Variants in TPRG1 observed in about 807,000 individuals in gnomAD.
The protein encoded by TPRG1 is tumor protein p63 regulated 1, also known as tumor protein p63-regulated gene 1 protein.
In TPRG1, 29 loss-of-function variants were observed where a neutral mutation model predicts 29.3. The observed-to-expected ratio is 0.99, with a 90% CI of 0.74 to 1.35. The LOEUF (loss-of-function observed/expected upper bound fraction) is 1.35. Ranked by LOEUF, TPRG1 falls within the 40% of genes most tolerant of loss-of-function variation. The pLI is 0.00. For synonymous variants in TPRG1, 130 were observed against 116.8 expected (o/e 1.11, Z -0.73); for missense variants, 327 against 335.0 (o/e 0.98, Z 0.19).
At chr3:189,239,661 C>T (rs376744181) in intron 4 of TPRG1, among the ~76,000 whole-genome samples, 150 of 152,232 alleles carry the variant, frequency 9.9e-4, no homozygotes, top group Middle Eastern at 3.4e-3. Context: ...CATTCCAAAG[C>T]GGTAGCTAAA....
chr3:189,179,435 A>G (rs1729924480), intron 1 of TPRG1, among the ~76,000 whole-genome samples: 1 of 152,178 alleles, frequency 6.6e-6, no homozygotes, highest in African/African-American at 2.4e-5. Flanking sequence ...ATTGTACTGA[A>G]TACTTGGTGT....
chr3:189,237,870 G>T (rs1040554087), intron 3 of TPRG1, among the ~76,000 whole-genome samples: 1 of 152,158 alleles, frequency 6.6e-6, no homozygotes, highest in Non-Finnish European at 1.5e-5. Flanking sequence ...AACAAAACAT[G>T]TACCAAAACA....
intron 1 of TPRG1, among the ~76,000 whole-genome samples, chr3:189,204,037 CAAAAAAAA>C (rs35367828): frequency 1.4e-4 from 12 of 87,924 alleles, no homozygotes; most frequent in South Asian, 4.9e-4. Flanking sequence ...GAGACTGTCT[CAAAAAAAA>C]AAAAAAAAAA....
intron 4 of TPRG1, among the ~76,000 whole-genome samples, chr3:189,033,410 T>A (rs534643431): frequency 6.6e-6 from 1 of 152,110 alleles, no homozygotes; most frequent in South Asian, 2.1e-4. Context: ...GCCTCCTGAG[T>A]ACCTGGGACA....
intron 1 of TPRG1, among the ~76,000 whole-genome samples, chr3:189,177,895 C>T (rs1445061924): frequency 1.3e-5 from 2 of 152,166 alleles, no homozygotes; most frequent in Non-Finnish European, 2.9e-5. Context: ...AGGTTCTATT[C>T]GAACCCAGAA....
intron 3 of TPRG1, among the ~76,000 whole-genome samples, chr3:189,222,039 G>A (rs1236887286): frequency 1.3e-5 from 2 of 151,916 alleles, no homozygotes; most frequent in Non-Finnish European, 2.9e-5. Context: ...CTTTGTGCCT[G>A]TGTCTGTTTT....
At position 189,238,835 on chromosome 3, in the gene TPRG1, G is replaced by T. The variant is rs368818406; in HGVS notation, c.405G>T (p.Leu135=). The change falls in exon 4 of 6, where the codon CTG becomes CTT. Residue 135 remains leucine (L), a synonymous_variant. Transcript: ENST00000345063. ...YDFIMLSCVQ[L]QRIPLSAVYR... is the part of the protein sequence containing the mutation. The stretch of plus-strand genomic sequence containing the variant: ...TCATCATGCTGAGTTGTGTGCAGCT[G>T]CAGCGGATTCCTCTGAGCGCTGTCT... The T allele has an allele frequency of 6.2e-7, 1 of 1,613,782 alleles. No homozygotes were observed. Among genetic ancestry groups the T allele is most frequent in the South Asian group, 1.1e-5 (1 of 91,068 alleles).
At chr3:189,125,366 T>C (rs1241228414) in intron 1 of TPRG1, among the ~76,000 whole-genome samples, 3 of 152,154 alleles carry the variant, frequency 2.0e-5, no homozygotes, top group Middle Eastern at 3.2e-3. Context: ...TCAAAAGAAA[T>C]GATATAATAG....
intron 4 of TPRG1, among the ~76,000 whole-genome samples, chr3:189,048,364 A>G (rs902549488): frequency 1.3e-5 from 2 of 152,218 alleles, no homozygotes; most frequent in South Asian, 2.1e-4. Flanking sequence ...TGTGTTATCA[A>G]TCAGGCTTTT....
intron 4 of TPRG1, among the ~76,000 whole-genome samples, chr3:189,078,083 C>T (rs61424551): frequency 0.012 from 1,263 of 106,168 alleles, 19 homozygotes; most frequent in African/African-American, 0.045. Context: ...CTCTCTTTCT[C>T]TCTTTCTCTC....
intron 3 of TPRG1, among the ~76,000 whole-genome samples, chr3:189,018,731 T>G (rs1481396131): frequency 1.3e-5 from 2 of 151,704 alleles, no homozygotes; most frequent in Non-Finnish European, 2.9e-5. Flanking sequence ...TTTGGTTCCA[T>G]ATGAACTTTA....
chr3:189,080,068 C>G (rs1159998455), intron 4 of TPRG1, among the ~76,000 whole-genome samples: 1 of 152,122 alleles, frequency 6.6e-6, no homozygotes, highest in African/African-American at 2.4e-5. Context: ...TTGCACAGTT[C>G]TAGTCAGTAT....
rs34297763 is a variant in TPRG1 at position 189,008,064 on chromosome 3, G to GA, written c.-660+3317dup. On this transcript the variant is annotated intron_variant, in intron 3 of 10. Coordinates refer to the TPRG1 transcript ENST00000433971. Reference sequence around the variant, plus strand: ...AAGTATAATAAAAAAAGAAAAGAAAGAAAAAAAAAAAAACGTTCTAGAAAA... The same window carrying GA: ...AAGTATAATAAAAAAAGAAAAGAAAGAAAAAAAAAAAAAACGTTCTAGAAAA... Among the ~76,000 whole-genome samples, 382 of 92,700 alleles carry GA rather than the reference G, an allele frequency of 4.1e-3. 5 individuals carry two copies. The highest frequency in any genetic ancestry group is 0.012 in the African/African-American group (349 of 28,326). 60.8% of individuals were successfully genotyped at this position (92,700 alleles called of 152,430 possible).
At chr3:189,209,207 A>G (rs1734876583) in intron 2 of TPRG1, among the ~76,000 whole-genome samples, 1 of 152,188 alleles carries the variant, frequency 6.6e-6, no homozygotes. Context: ...ATGGAAGGAG[A>G]CGCAGGTACA....
upstream of TPRG1, among the ~76,000 whole-genome samples, chr3:189,099,633 T>C (rs1354768816): frequency 6.6e-6 from 1 of 152,028 alleles, no homozygotes; most frequent in African/African-American, 2.4e-5. Flanking sequence ...GTCTCATAGC[T>C]GGATAAAAGC....
At chr3:188,998,537 A>C (rs1420504152) in intron 1 of TPRG1, among the ~76,000 whole-genome samples, 1 of 152,240 alleles carries the variant, frequency 6.6e-6, no homozygotes, top group African/African-American at 2.4e-5. Flanking sequence ...TTTGAAAAGG[A>C]GAGTGATGTA....
At position 189,322,504 on chromosome 3, in the gene TPRG1, A is replaced by ATAGC; in HGVS notation, c.*1686_*1689dup. The ATAGC allele has an allele frequency of 6.6e-6, 1 of 152,530 alleles. No individual in the cohort carries two copies. The highest frequency in any genetic ancestry group is 2.1e-4 in the South Asian group (1 of 4,828). The allele number at this position is 152,530 out of a possible 1,614,324, so 9.4% of individuals were successfully genotyped here. A position where few individuals can be genotyped will look rare whatever the true frequency, so the allele number is the denominator to read the frequency against. ...ACTGTAAAAGGAAATGTTGAAATCC[A>ATAGC]TAGCTGTCCTGTCAACAGTAGTGGA... On this transcript the variant is annotated 3_prime_UTR_variant, in exon 6 of 6. Coordinates refer to ENST00000345063, the MANE Select transcript of TPRG1 (RefSeq NM_198485.4).
At chr3:189,022,891 T>TATAATC (rs1713427327) in intron 3 of TPRG1, among the ~76,000 whole-genome samples, 1 of 152,164 alleles carries the variant, frequency 6.6e-6, no homozygotes, top group African/African-American at 2.4e-5. Context: ...CTCCGTGGGG[T>TATAATC]AGGACCCTCC....
At chr3:189,301,690 C>T (rs534215783) in intron 4 of TPRG1, among the ~76,000 whole-genome samples, 74 of 152,304 alleles carry the variant, frequency 4.9e-4, no homozygotes, top group African/African-American at 1.7e-3. Context: ...TAGCAAGGCC[C>T]AGCCCCACTC....
Sources: allele counts gnomAD v4.1 joint callset (sites outside exome capture counted in the v4.1 genomes callset), GRCh38; gene constraint gnomAD v4.1.1; transcripts MANE v1.5; gene names NCBI Gene and HGNC (gene_info 2026-07-23, HGNC 2026-07-21).